TUSC3: variants seen among roughly 807,000 people sequenced by gnomAD.
The protein encoded by TUSC3 is dolichyl-diphosphooligosaccharide--protein glycosyltransferase subunit TUSC3.
Under a neutral mutation model 44.8 loss-of-function variants are expected in TUSC3, and 45 were observed. The observed-to-expected ratio is 1.00, with a 90% CI of 0.79 to 1.29. TUSC3 has a LOEUF of 1.29. Ranked by LOEUF, TUSC3 falls within the 50% of genes most tolerant of loss-of-function variation. The pLI, the probability that TUSC3 is intolerant of heterozygous loss-of-function variation, is 0.00. For missense variants in TUSC3, 519 were observed against 437.9 expected (o/e 1.19, Z -1.65); for synonymous variants, 212 against 152.9 (o/e 1.39, Z -2.85).
intron 5 of TUSC3, among the ~76,000 whole-genome samples, chr8:15,663,483 A>G (rs188455263): frequency 4.6e-5 from 7 of 151,798 alleles, no homozygotes; most frequent in Non-Finnish European, 1.0e-4. Flanking sequence ...GTTGGAAGTG[A>G]TAGGACAGAC....
intron 1 of TUSC3, among the ~76,000 whole-genome samples, chr8:15,558,879 T>A (rs1464763990): frequency 1.3e-5 from 2 of 151,392 alleles, no homozygotes; most frequent in South Asian, 2.1e-4. Context: ...TTATTGCGTC[T>A]GTTCGATTCT....
chr8:15,515,127 G>A (rs530168266), intron 2 of TUSC3, among the ~76,000 whole-genome samples: 1 of 151,986 alleles, frequency 6.6e-6, no homozygotes, highest in Admixed American at 6.6e-5. Context: ...GAAAAGTTTT[G>A]AAATCAGAAA....
chr8:15,817,946 C>T, the TUSC3 span, among the ~76,000 whole-genome samples: 1 of 152,048 alleles, frequency 6.6e-6, no homozygotes, highest in East Asian at 1.9e-4. Context: ...AGGTCAAAAG[C>T]CCCTGACTTA....
At chr8:15,540,084 C>A, upstream of TUSC3, 1 of 267,300 alleles carries the variant, frequency 3.7e-6, no homozygotes, top group Non-Finnish European at 7.0e-6. Context: ...GCAGGATGGC[C>A]TCAGATTGAG....
At chr8:15,851,201 A>G in the TUSC3 span, among the ~76,000 whole-genome samples, 1 of 152,150 alleles carries the variant, frequency 6.6e-6, no homozygotes, top group South Asian at 2.1e-4. Flanking sequence ...AAGCCTTGTT[A>G]TTTTTCCAGT....
At chr8:15,652,331 T>G (rs1806949189) in intron 3 of TUSC3, among the ~76,000 whole-genome samples, 1 of 152,166 alleles carries the variant, frequency 6.6e-6, no homozygotes, top group Admixed American at 6.5e-5. Flanking sequence ...TCCAGATTAT[T>G]TCTTCTTGCC....
chr8:15,637,507 A>T (rs1806135748), intron 2 of TUSC3, among the ~76,000 whole-genome samples: 1 of 151,880 alleles, frequency 6.6e-6, no homozygotes, highest in South Asian at 2.1e-4. Context: ...AATGATATTT[A>T]CTTTAGGTTG....
intron 1 of TUSC3, among the ~76,000 whole-genome samples, chr8:15,560,897 A>C (rs1802433330): frequency 1.8e-5 from 1 of 54,842 alleles, no homozygotes; most frequent in African/African-American, 5.6e-5. Context: ...TTCTAGTTAT[A>C]CATTCTTCTA....
At chr8:15,451,866 AAATC>A (rs1209803638) in intron 1 of TUSC3, among the ~76,000 whole-genome samples, 1 of 152,098 alleles carries the variant, frequency 6.6e-6, no homozygotes, top group Non-Finnish European at 1.5e-5. Context: ...TGGGGGAAAA[AAATC>A]CCCACACATT....
At chr8:15,440,857 G>A (rs1166652387) in intron 1 of TUSC3, among the ~76,000 whole-genome samples, 1 of 152,154 alleles carries the variant, frequency 6.6e-6, no homozygotes, top group East Asian at 1.9e-4. Flanking sequence ...GGAGATGCTA[G>A]CAACTGCCTC....
the TUSC3 span, among the ~76,000 whole-genome samples, chr8:15,814,584 G>C: frequency 3.9e-5 from 6 of 152,262 alleles, no homozygotes; most frequent in South Asian, 1.2e-3. Flanking sequence ...ATGTCTCTTT[G>C]CTCAGGAGTT....
In TUSC3 at chr8:15,659,570, G is replaced by T; in HGVS notation, c.490G>T (p.Asp164Tyr). Residue 164 changes from aspartate (D) to tyrosine (Y), a missense_variant, in exon 4 of 11, where the codon GAT becomes TAT. Physicochemically the swap from Asp to Tyr is radical, Grantham distance 160 (BLOSUM62 -3). Coordinates refer to ENST00000503731, the MANE Select transcript of TUSC3 (RefSeq NM_006765.4). ...TCCAAAAGGCAGACCTAAGAGAGCT[G>T]ATACTTTTGACCTCCAAAGAATTGG... ...FPPKGRPKRA[D>Y]TFDLQRIGFA... 1 of 1,613,462 alleles carries T rather than the reference G, an allele frequency of 6.2e-7. No homozygotes were observed.
At chr8:15,689,255 C>T (rs1447886836) in intron 6 of TUSC3, 4 of 352,582 alleles carry the variant, frequency 1.1e-5, no homozygotes, top group South Asian at 2.5e-5. Flanking sequence ...GGATGGGAAT[C>T]GATCCACTTG....
intron 7 of TUSC3, among the ~76,000 whole-genome samples, chr8:15,739,769 A>T (rs1165589677): frequency 6.6e-6 from 1 of 152,214 alleles, no homozygotes; most frequent in Non-Finnish European, 1.5e-5. Context: ...GCTAGCAATT[A>T]TGTTCTTTGC....
intron 4 of TUSC3, among the ~76,000 whole-genome samples, chr8:15,660,704 C>T (rs1413032147): frequency 6.6e-6 from 1 of 151,682 alleles, no homozygotes; most frequent in African/African-American, 2.4e-5. Context: ...GGTGACTAAA[C>T]TTATTTCCTA....
intron 1 of TUSC3, among the ~76,000 whole-genome samples, chr8:15,479,339 T>C (rs529994199): frequency 6.6e-6 from 1 of 152,220 alleles, no homozygotes; most frequent in Non-Finnish European, 1.5e-5. Context: ...TTTGATGTTT[T>C]TGTCATGATA....
upstream of TUSC3, among the ~76,000 whole-genome samples, chr8:15,535,499 A>G (rs1801509339): frequency 1.3e-5 from 2 of 152,206 alleles, no homozygotes; most frequent in Admixed American, 1.3e-4. Context: ...ACCGTCCTAG[A>G]GCTTACATTC....
chr8:15,521,903 T>A (rs1801304692), intron 2 of TUSC3, among the ~76,000 whole-genome samples: 1 of 152,244 alleles, frequency 6.6e-6, no homozygotes, highest in African/African-American at 2.4e-5. Flanking sequence ...GGTGCAAAAG[T>A]TATTGTGGTT....
intron 1 of TUSC3, among the ~76,000 whole-genome samples, chr8:15,467,531 T>G (rs1203890933): frequency 6.6e-6 from 1 of 152,154 alleles, no homozygotes; most frequent in African/African-American, 2.4e-5. Context: ...TTGATCTTAT[T>G]CTGAACTGCC....
Sources: gnomAD v4.1 joint callset for allele counts (sites outside exome capture counted in the v4.1 genomes callset) on GRCh38, gnomAD v4.1.1 for gene constraint, MANE v1.5 for transcripts, NCBI Gene and HGNC (gene_info 2026-07-23, HGNC 2026-07-21) for gene names.